ADGRL2: variants seen among roughly 807,000 people sequenced by gnomAD.
ADGRL2 encodes adhesion G protein-coupled receptor L2.
A neutral mutation model predicts 157.4 loss-of-function variants in ADGRL2; 44 were observed. The ratio of observed to expected loss-of-function variants is 0.28; its 90% CI spans 0.22 to 0.36. ADGRL2 has a LOEUF of 0.36. Among genes scored for constraint, ADGRL2 ranks in the 10% least tolerant of loss-of-function variants. The pLI, the probability that ADGRL2 is intolerant of heterozygous loss-of-function variation, is 1.00. For synonymous variants in ADGRL2, 585 were observed against 624.7 expected (o/e 0.94, Z 0.95); for missense variants, 1,510 against 1,768.9 (o/e 0.85, Z 2.63).
rs190634315 is a variant in ADGRL2 at position 81,721,148 on chromosome 1, G to A, written c.-143+21340G>A. On this transcript the variant is annotated intron_variant, in intron 1 of 20. Coordinates refer to the ADGRL2 transcript ENST00000359929. ...CAGCCTCCCAAAGTGCTGGGATTAC[G>A]GGTGTGAGCCACCGCACCCCGCCAG... 2.7e-3 allele frequency among the ~76,000 whole-genome samples: 409 copies of A among 149,760 alleles called. 1 individual carries two copies. The highest frequency in any genetic ancestry group is 9.6e-3 in the African/African-American group (391 of 40,714).
chr1:81,699,776 G>A (rs1199307018), exon 1 of ADGRL2: 1 of 152,186 alleles, frequency 6.6e-6, no homozygotes, highest in Non-Finnish European at 1.5e-5. Flanking sequence ...TGATAACTGT[G>A]TTCTATGTGG....
chr1:81,976,571 A>G (rs1660242600), intron 17 of ADGRL2, among the ~76,000 whole-genome samples: 1 of 152,038 alleles, frequency 6.6e-6, no homozygotes, highest in Admixed American at 6.6e-5. Context: ...AAATCTTTTA[A>G]AACATTCCAT....
intron 2 of ADGRL2, among the ~76,000 whole-genome samples, chr1:81,531,222 C>T (rs140123726): frequency 1.5e-3 from 226 of 152,226 alleles, no homozygotes; most frequent in African/African-American, 5.2e-3. Context: ...GAGAGAAGGA[C>T]TCTTGCTGGT....
At chr1:81,371,462 A>G (rs1159390990) in intron 1 of ADGRL2, among the ~76,000 whole-genome samples, 2 of 152,216 alleles carry the variant, frequency 1.3e-5, no homozygotes, top group Non-Finnish European at 2.9e-5. Context: ...TTCCCACTAA[A>G]AATCTTACAC....
chr1:81,414,981 G>T (rs974600499), intron 1 of ADGRL2, among the ~76,000 whole-genome samples: 2 of 152,128 alleles, frequency 1.3e-5, no homozygotes, highest in African/African-American at 4.8e-5. Flanking sequence ...CTGCATCTCT[G>T]TGATTTCTCC....
At chr1:81,510,137 G>T (rs1056824208) in intron 2 of ADGRL2, among the ~76,000 whole-genome samples, 8 of 152,136 alleles carry the variant, frequency 5.3e-5, no homozygotes, top group Non-Finnish European at 1.0e-4. Context: ...CGAAATCAAA[G>T]GAGTTATCTT....
At chr1:81,400,673 T>A (rs796242640) in intron 1 of ADGRL2, among the ~76,000 whole-genome samples, 5 of 152,094 alleles carry the variant, frequency 3.3e-5, no homozygotes, top group African/African-American at 1.2e-4. Context: ...CTAGACTCTG[T>A]TAGTCCAGGT....
chr1:81,795,745 A>G (rs1037663211), upstream of ADGRL2, among the ~76,000 whole-genome samples: 5 of 152,300 alleles, frequency 3.3e-5, no homozygotes, highest in Non-Finnish European at 7.4e-5. Context: ...GGTTATCTTT[A>G]AGGATTTAGA....
chr1:81,728,400 T>A (rs909698262), intron 1 of ADGRL2, among the ~76,000 whole-genome samples: 2 of 152,184 alleles, frequency 1.3e-5, no homozygotes, highest in Non-Finnish European at 1.5e-5. Context: ...CATATTAACA[T>A]GTAAAAAGCC....
rs1316709480 is a variant in ADGRL2 at position 81,486,558 on chromosome 1, T to C, written c.-248+41469T>C. Among the ~76,000 whole-genome samples the C allele has an allele frequency of 3.9e-5, 6 of 151,992 alleles. No individual in the cohort carries two copies. In the South Asian group the frequency reaches 1.0e-3, roughly 26 times the overall value. ...TTGATAAAACTTGAAAAAAAACAAC[T>C]GTATAGTACTATTAGGTAGATGGGA... On this transcript the variant is annotated intron_variant, in intron 2 of 24. Coordinates refer to the ADGRL2 transcript ENST00000370721.
chr1:81,496,984 A>T (rs969773017), intron 2 of ADGRL2, among the ~76,000 whole-genome samples: 1 of 151,908 alleles, frequency 6.6e-6, no homozygotes, highest in African/African-American at 2.4e-5. Context: ...AACCCTTTTC[A>T]TTTCCCTGAA....
chr1:81,393,133 A>G (rs1425468174), intron 1 of ADGRL2, among the ~76,000 whole-genome samples: 1 of 152,124 alleles, frequency 6.6e-6, no homozygotes, highest in Non-Finnish European at 1.5e-5. Context: ...GAAAAGAGGA[A>G]AAAAGAAAAT....
At chr1:81,894,723 GT>G (rs11285689) in intron 2 of ADGRL2, among the ~76,000 whole-genome samples, 25,423 of 149,274 alleles carry the variant, frequency 0.17, 2,554 homozygotes, top group Middle Eastern at 0.32. Context: ...ATTTCAATAT[GT>G]TTTTTTTTTC....
Position 81,990,819 on chromosome 1 carries a change from G to C in ADGRL2, c.4084G>C (p.Val1362Leu), listed in dbSNP as rs2149546079. The C allele has an allele frequency of 6.2e-7, 1 of 1,614,084 alleles. No homozygotes were observed. Among genetic ancestry groups the C allele is most frequent in the Middle Eastern group, 1.6e-4 (1 of 6,062 alleles). The change falls in exon 24 of 24, where the codon GTC becomes CTC. Residue 1362 changes from valine (V) to leucine (L), a missense_variant. Coordinates refer to ENST00000686636, the MANE Select transcript of ADGRL2 (RefSeq NM_001366006.2). ...KVKSEGTDSYVSQLTAEAEDH... is the reference protein window; with the variant it reads ...KVKSEGTDSYLSQLTAEAEDH... ...GAAGTCCGAGGGAACTGACAGCTAT[G>C]TCTCCCAACTGACAGCAGAGGCTGA...
chr1:81,653,918 T>G (rs539947227), intron 3 of ADGRL2, among the ~76,000 whole-genome samples: 1 of 152,066 alleles, frequency 6.6e-6, no homozygotes, highest in Admixed American at 6.6e-5. Context: ...CCCCTCAGAG[T>G]TCAGCTTCTT....
intron 2 of ADGRL2, among the ~76,000 whole-genome samples, chr1:81,540,031 A>T (rs1429556422): frequency 6.6e-6 from 1 of 152,142 alleles, no homozygotes; most frequent in Non-Finnish European, 1.5e-5. Context: ...AGAAATTCTA[A>T]TTCTGGTTGT....
chr1:81,850,842 T>A (rs1313090737), intron 2 of ADGRL2, among the ~76,000 whole-genome samples: 1 of 149,538 alleles, frequency 6.7e-6, no homozygotes, highest in East Asian at 2.0e-4. Flanking sequence ...GTTACCTCTT[T>A]ACACCTCCTT....
chr1:81,883,715 C>CT (rs2094047460), intron 2 of ADGRL2, among the ~76,000 whole-genome samples: 2 of 152,002 alleles, frequency 1.3e-5, no homozygotes, highest in Admixed American at 6.6e-5. Context: ...TTCCAGCACT[C>CT]TATCTGGATT....
At chr1:81,780,041 C>A (rs1213796640) in intron 2 of ADGRL2, among the ~76,000 whole-genome samples, 1 of 152,134 alleles carries the variant, frequency 6.6e-6, no homozygotes, top group Non-Finnish European at 1.5e-5. Context: ...TCCTTCTGAC[C>A]AGAAAGTCTG....
Sources: allele counts gnomAD v4.1 joint callset (sites outside exome capture counted in the v4.1 genomes callset), GRCh38; gene constraint gnomAD v4.1.1; transcripts MANE v1.5; gene names NCBI Gene and HGNC (gene_info 2026-07-23, HGNC 2026-07-21).